Variants in NIBAN1 observed in about 807,000 individuals in gnomAD.
NIBAN1 encodes the protein niban apoptosis regulator 1.
Under a neutral mutation model 75.1 loss-of-function variants are expected in NIBAN1, and 81 were observed. The ratio of observed to expected loss-of-function variants is 1.08; its 90% CI spans 0.90 to 1.30. The LOEUF is 1.30. Ranked by LOEUF, NIBAN1 falls within the 50% of genes most tolerant of loss-of-function variation. NIBAN1 has a pLI of 0.00. For synonymous variants in NIBAN1, 436 were observed against 424.8 expected (o/e 1.03, Z -0.32); for missense variants, 1,133 against 1,128.1 (o/e 1.00, Z -0.06).
intron 6 of NIBAN1, among the ~76,000 whole-genome samples, chr1:184,829,849 A>G (rs1654949531): frequency 6.6e-6 from 1 of 152,252 alleles, no homozygotes; most frequent in Non-Finnish European, 1.5e-5. Context: ...AGCAAGTGGC[A>G]TAGCTGAACT....
chr1:184,953,677 T>A (rs1000956395), intron 1 of NIBAN1, among the ~76,000 whole-genome samples: 1 of 152,214 alleles, frequency 6.6e-6, no homozygotes, highest in East Asian at 1.9e-4. Flanking sequence ...ATAGCAGTGA[T>A]GATCTGAAAT....
At chr1:184,864,878 A>C (rs1655910282) in intron 5 of NIBAN1, among the ~76,000 whole-genome samples, 1 of 151,812 alleles carries the variant, frequency 6.6e-6, no homozygotes, top group African/African-American at 2.4e-5. Flanking sequence ...ATAATAATAA[A>C]AGAAAAAAAA....
intron 6 of NIBAN1, 67 bp from the exon 7 acceptor site, chr1:184,823,809 T>TA: frequency 7.3e-7 from 1 of 1,368,258 alleles, no homozygotes; most frequent in Non-Finnish European, 1.0e-6. Flanking sequence ...TCAGGCCAAC[T>TA]AAAAATGTCC....
chr1:184,865,487 CTA>C (rs1358403816), intron 5 of NIBAN1, among the ~76,000 whole-genome samples: 1 of 152,100 alleles, frequency 6.6e-6, no homozygotes, highest in Non-Finnish European at 1.5e-5. Context: ...AAAAACCTAA[CTA>C]TTGTATACTA....
rs148670930 is a variant in NIBAN1, at chr1:184,829,630, T to G, written c.717+2217A>C. On this transcript the variant is annotated intron_variant, in intron 6 of 13. Transcript: ENST00000367511. ...TTACAGGACCGCCACCATGCCCAGCTAATTTTTTTCTATTTTTAGTAGAGA... is the reference window on the plus strand; with the variant it reads ...TTACAGGACCGCCACCATGCCCAGCGAATTTTTTTCTATTTTTAGTAGAGA... Among the ~76,000 whole-genome samples, 1,492 of 152,012 alleles carry G rather than the reference T, an allele frequency of 9.8e-3. 29 individuals carry two copies. The highest frequency in any genetic ancestry group is 0.034 in the African/African-American group (1,410 of 41,442).
intron 3 of NIBAN1, among the ~76,000 whole-genome samples, chr1:184,891,875 A>G (rs916288909): frequency 1.3e-5 from 2 of 152,238 alleles, no homozygotes. Context: ...AAATTATGAC[A>G]AACTGCGTGG....
At chr1:184,807,502 T>C (rs1173113277) in intron 10 of NIBAN1, among the ~76,000 whole-genome samples, 1 of 152,078 alleles carries the variant, frequency 6.6e-6, no homozygotes, top group Non-Finnish European at 1.5e-5. Flanking sequence ...AAAGTAGCCA[T>C]ATAGGCTGGG....
chr1:184,939,531 T>TGGAATTCACAAAGCCCATTCC (rs1571589847), intron 1 of NIBAN1, among the ~76,000 whole-genome samples: 5 of 152,234 alleles, frequency 3.3e-5, no homozygotes, highest in South Asian at 4.1e-4. Context: ...GTTCCCTTTC[T>TGGAATTCACAAAGCCCATTCC]GGAATTCACA....
intron 4 of NIBAN1, 101 bp from the exon 5 acceptor site, chr1:184,884,901 G>A: frequency 7.2e-7 from 1 of 1,388,492 alleles, no homozygotes; most frequent in Admixed American, 2.3e-5. Context: ...GCAGGCCATG[G>A]GATGGAAAGT....
chr1:184,835,218 C>T lies in NIBAN1; in HGVS notation c.602-3256G>A, dbSNP rs1472547063. Among the ~76,000 whole-genome samples, 5 of 152,246 alleles carry T rather than the reference C, an allele frequency of 3.3e-5. No homozygotes were observed. The East Asian group carries it at 7.7e-4, about 24-fold the overall frequency. On this transcript the variant is annotated intron_variant, in intron 5 of 13. Transcript: ENST00000367511. ...TTGAGCTGTATCTCTGTTTTGGTAC[C>T]AGTACCATGCTGTTTTGATTACTGT...
chr1:184,957,891 G>T (rs1181677620), intron 1 of NIBAN1, among the ~76,000 whole-genome samples: 1 of 152,142 alleles, frequency 6.6e-6, no homozygotes, highest in African/African-American at 2.4e-5. Context: ...TATTTTATTT[G>T]ATAATGAAGA....
chr1:184,951,986 A>G (rs1327401255), intron 1 of NIBAN1, among the ~76,000 whole-genome samples: 1 of 152,166 alleles, frequency 6.6e-6, no homozygotes, highest in African/African-American at 2.4e-5. Context: ...CACCACCTCT[A>G]TGATGTAAGT....
Position 184,894,857 on chromosome 1 carries a change from G to T in NIBAN1, c.187-651C>A, listed in dbSNP as rs184833026. 3.4e-3 allele frequency among the ~76,000 whole-genome samples: 522 copies of T among 152,220 alleles called. 1 individual carries two copies. The highest frequency in any genetic ancestry group is 0.012 in the African/African-American group (495 of 41,548). ...AACTGTGGTGATATATGTGCTGTGC[G>T]GGCATTTCCATTAGATTCCTAGTTA... On this transcript the variant is annotated intron_variant, in intron 2 of 13. Transcript: ENST00000367511.
chr1:184,829,614 C>T (rs966625187), intron 6 of NIBAN1, among the ~76,000 whole-genome samples: 11 of 151,866 alleles, frequency 7.2e-5, no homozygotes, highest in African/African-American at 2.2e-4. Flanking sequence ...ATTACAGGAC[C>T]GCCACCATGC....
intron 1 of NIBAN1, among the ~76,000 whole-genome samples, chr1:184,927,043 AG>A (rs1182013309): frequency 6.6e-6 from 1 of 152,324 alleles, no homozygotes; most frequent in East Asian, 1.9e-4. Flanking sequence ...TTTATCTGAT[AG>A]GATTCTGAAT....
chr1:184,934,366 CT>C (rs1312032236), intron 1 of NIBAN1, among the ~76,000 whole-genome samples: 5 of 152,174 alleles, frequency 3.3e-5, no homozygotes, highest in African/African-American at 1.2e-4. Flanking sequence ...CTATTGGATA[CT>C]ATGCTTACTC....
intron 6 of NIBAN1, among the ~76,000 whole-genome samples, chr1:184,828,208 T>C (rs1378587181): frequency 6.6e-6 from 1 of 152,186 alleles, no homozygotes; most frequent in Non-Finnish European, 1.5e-5. Context: ...TATTCTGAGA[T>C]AGTTGCTTTG....
chr1:184,834,208 A>G (rs1255900587), intron 5 of NIBAN1, among the ~76,000 whole-genome samples: 2 of 152,136 alleles, frequency 1.3e-5, no homozygotes, highest in Non-Finnish European at 2.9e-5. Flanking sequence ...TTATGGCTGC[A>G]TAGTATTCCA....
chr1:184,874,777 T>C (rs181688753), intron 5 of NIBAN1, among the ~76,000 whole-genome samples: 2 of 152,202 alleles, frequency 1.3e-5, no homozygotes, highest in Admixed American at 1.3e-4. Context: ...AGAGGAGGTC[T>C]ACAGAAAATA....
Sources: gnomAD v4.1 joint callset for allele counts (sites outside exome capture counted in the v4.1 genomes callset) on GRCh38, gnomAD v4.1.1 for gene constraint, MANE v1.5 for transcripts, NCBI Gene and HGNC (gene_info 2026-07-23, HGNC 2026-07-21) for gene names.